CHAF1A: variants seen among roughly 807,000 people sequenced by gnomAD.
CHAF1A encodes the protein CAF-1 subunit A.
A neutral mutation model predicts 93.2 loss-of-function variants in CHAF1A; 5 were observed. The ratio of observed to expected loss-of-function variants is 0.05; its 90% CI spans 0.03 to 0.11. The LOEUF is 0.11. Ranked by LOEUF, CHAF1A falls within the 10% of genes least tolerant of loss-of-function variation. The pLI, the probability that CHAF1A is intolerant of heterozygous loss-of-function variation, is 1.00. For missense variants in CHAF1A, 1,102 were observed against 1,259.9 expected (o/e 0.87, Z 1.90); for synonymous variants, 504 against 510.3 (o/e 0.99, Z 0.17).
chr19:4,429,901 G>A, intron 10 of CHAF1A, 113 bp downstream of exon 10: 1 of 889,364 alleles, frequency 1.1e-6, no homozygotes, highest in Non-Finnish European at 1.8e-6. Context: ...GACAGCTGGT[G>A]TTTGACCTGC....
chr19:4,410,005 T>C (rs1244047901), intron 3 of CHAF1A, among the ~76,000 whole-genome samples: 1 of 152,266 alleles, frequency 6.6e-6, no homozygotes, highest in Non-Finnish European at 1.5e-5. Flanking sequence ...AACACCCTGC[T>C]GTTTTGCCTT....
downstream of CHAF1A, among the ~76,000 whole-genome samples, chr19:4,443,659 G>T (rs1052706029): frequency 6.6e-6 from 1 of 152,168 alleles, no homozygotes; most frequent in Non-Finnish European, 1.5e-5. Flanking sequence ...GACCTGCTAG[G>T]GTCACCTCCC....
chr19:4,437,735 TTTTTA>T (rs55965925), intron 13 of CHAF1A, among the ~76,000 whole-genome samples: 3 of 149,168 alleles, frequency 2.0e-5, no homozygotes, highest in Non-Finnish European at 4.4e-5. Flanking sequence ...GTTTTCATCT[TTTTTA>T]TTTTATTTTA....
In CHAF1A at chr19:4,433,603, G is replaced by A; in HGVS notation, c.2673+64G>A. ...TTTCTTTTTTTGTTTGTTTTTTGTT[G>A]TTTTGTTTTTTTTTCGAGATGGAGT... On this transcript the variant is annotated intron_variant, in intron 13 of 14. Coordinates refer to ENST00000301280, the MANE Select transcript of CHAF1A (RefSeq NM_005483.3). The surrounding 1 kb of genome is among the most constrained non-coding windows in gnomAD (Gnocchi z 5.6). 2 of 1,352,832 alleles carry A rather than the reference G, an allele frequency of 1.5e-6. No homozygotes were observed. The highest frequency in any genetic ancestry group is 2.0e-6 in the Non-Finnish European group (2 of 997,022). The allele number at this position is 1,352,832 out of a possible 1,614,324, so 83.8% of individuals were successfully genotyped here. A position where few individuals can be genotyped will look rare whatever the true frequency, so the allele number is the denominator to read the frequency against.
chr19:4,413,890 A>G (rs1452772420), intron 3 of CHAF1A, among the ~76,000 whole-genome samples: 3 of 152,132 alleles, frequency 2.0e-5, no homozygotes, highest in Non-Finnish European at 4.4e-5. Context: ...CCTTTTTAGT[A>G]TTAGAGTTTT....
Position 4,422,008 on chromosome 19 carries a change from ATTT to A in CHAF1A, c.1018-543_1018-541del, listed in dbSNP as rs765787830. On this transcript the variant is annotated intron_variant, in intron 4 of 14. Coordinates refer to ENST00000301280, the MANE Select transcript of CHAF1A (RefSeq NM_005483.3). This position sits in a 1 kb window ranked among gnomAD's most constrained non-coding sequence, Gnocchi z 4.6. ...GGGTACCCTCCACCACGCCTGGCTA[ATTT>A]TTTTTTTTTTTTTTATTAAATGGAG... 7.2e-6 allele frequency among the ~76,000 whole-genome samples: 1 copy of A among 138,242 alleles called. No homozygotes were observed. The highest frequency in any genetic ancestry group is 2.7e-5 in the African/African-American group (1 of 37,584). 90.7% of individuals were successfully genotyped at this position (138,242 alleles called of 152,430 possible).
Position 4,409,432 on chromosome 19 carries a change from G to A in CHAF1A, c.633G>A (p.Thr211=), listed in dbSNP as rs773021521. 2.5e-5 allele frequency: 41 copies of A among 1,613,996 alleles called. No individual in the cohort carries two copies. The highest frequency in any genetic ancestry group is 1.7e-4 in the African/African-American group (13 of 74,908). ...ECSPRSCPEL[T]SGPRMCPRKE... ...CGCCACGGAGCTGCCCGGAGCTGAC[G>A]AGTGGCCCGAGAATGTGCCCCAGAA... The change falls in exon 3 of 15, where the codon ACG becomes ACA. Residue 211 remains threonine, a synonymous_variant. Coordinates refer to ENST00000301280, the MANE Select transcript of CHAF1A (RefSeq NM_005483.3).
At chr19:4,414,010 T>C (rs1409305873) in intron 3 of CHAF1A, among the ~76,000 whole-genome samples, 3 of 152,216 alleles carry the variant, frequency 2.0e-5, no homozygotes, top group African/African-American at 7.2e-5. Context: ...TTGGTGCAGT[T>C]GTGTTACTGG....
At chr19:4,435,499 C>G (rs189348444) in intron 13 of CHAF1A, among the ~76,000 whole-genome samples, 5 of 151,730 alleles carry the variant, frequency 3.3e-5, no homozygotes, top group African/African-American at 9.7e-5. Context: ...TTAGCCTCCT[C>G]AGTAGCTGAG....
At chr19:4,432,550 T>C (rs972576770) in intron 12 of CHAF1A, among the ~76,000 whole-genome samples, 1 of 152,004 alleles carries the variant, frequency 6.6e-6, no homozygotes, top group Non-Finnish European at 1.5e-5. Context: ...CGCTTGAGCC[T>C]AGTGCTTCGA....
At chr19:4,445,424 C>T, downstream of CHAF1A, 1 of 1,597,312 alleles carries the variant, frequency 6.3e-7, no homozygotes, top group Middle Eastern at 1.7e-4. Flanking sequence ...GCTTGGAGGC[C>T]CTGGGGTGGC....
intron 13 of CHAF1A, among the ~76,000 whole-genome samples, chr19:4,439,181 G>A (rs1049076270): frequency 6.6e-6 from 1 of 151,440 alleles, no homozygotes; most frequent in African/African-American, 2.4e-5. Flanking sequence ...TCAGGAAGCC[G>A]AGGCAGGAGA....
At chr19:4,428,971 G>C in intron 8 of CHAF1A, 81 bp downstream of exon 8, 1 of 1,163,516 alleles carries the variant, frequency 8.6e-7, no homozygotes. Flanking sequence ...CCCGGGGTGG[G>C]AGCTCTGGGT....
intron 3 of CHAF1A, among the ~76,000 whole-genome samples, chr19:4,415,865 G>C (rs1568432793): frequency 6.6e-6 from 1 of 152,090 alleles, no homozygotes; most frequent in Non-Finnish European, 1.5e-5. Flanking sequence ...CAGGGGTTCA[G>C]CTTTCCCAGA....
chr19:4,413,311 C>T (rs899405425), intron 3 of CHAF1A, among the ~76,000 whole-genome samples: 1 of 152,080 alleles, frequency 6.6e-6, no homozygotes, highest in African/African-American at 2.4e-5. Context: ...ACCTCGTGAT[C>T]CGCCCGCCTC....
downstream of CHAF1A, chr19:4,448,189 C>G (rs970947085): frequency 4.9e-6 from 4 of 823,776 alleles, no homozygotes; most frequent in African/African-American, 1.7e-5. Context: ...CTGCCTCACT[C>G]TCGGCCTATG....
intron 2 of CHAF1A, among the ~76,000 whole-genome samples, chr19:4,408,283 C>T (rs1973719339): frequency 6.6e-6 from 1 of 150,882 alleles, no homozygotes. Context: ...GGCTCCGCCC[C>T]CCGGGTTCAC....
At chr19:4,418,486 G>T (rs373146711) in intron 4 of CHAF1A, among the ~76,000 whole-genome samples, 28 of 147,538 alleles carry the variant, frequency 1.9e-4, no homozygotes, top group Middle Eastern at 3.5e-3. Context: ...TGCGATCTCG[G>T]CTCACTGCAA....
chr19:4,439,699 G>A (rs891740786), intron 13 of CHAF1A, among the ~76,000 whole-genome samples: 1 of 152,224 alleles, frequency 6.6e-6, no homozygotes, highest in African/African-American at 2.4e-5. Flanking sequence ...GCGTCTACAG[G>A]GGACTCTTAG....
Sources: gnomAD v4.1 joint callset for allele counts (sites outside exome capture counted in the v4.1 genomes callset) on GRCh38, gnomAD v4.1.1 for gene constraint, Gnocchi (gnomAD v3.1) non-coding constraint, MANE v1.5 for transcripts, NCBI Gene and HGNC (gene_info 2026-07-23, HGNC 2026-07-21) for gene names.